Variants in BCKDHB observed in about 807,000 individuals in gnomAD.
BCKDHB encodes 2-oxoisovalerate dehydrogenase subunit beta, mitochondrial.
BCKDHB carries 41 observed loss-of-function variants against 48.5 expected under a neutral mutation model. That is an observed-to-expected ratio of 0.85 (90% confidence interval 0.66 to 1.10). BCKDHB has a LOEUF of 1.10. BCKDHB is among the 50% of genes least tolerant of loss of function. BCKDHB has a pLI of 0.00. For missense variants in BCKDHB, 496 were observed against 494.2 expected (o/e 1.00, Z -0.03); for synonymous variants, 201 against 174.8 (o/e 1.15, Z -1.18).
At chr6:80,426,566 T>C in the BCKDHB span, among the ~76,000 whole-genome samples, 2,521 of 152,254 alleles carry the variant, frequency 0.017, 64 homozygotes, top group African/African-American at 0.058. Context: ...TTCCATGTGA[T>C]GTCTTCTTTG....
chr6:80,141,672 G>A (rs970138721), intron 3 of BCKDHB, among the ~76,000 whole-genome samples: 4 of 152,042 alleles, frequency 2.6e-5, no homozygotes, highest in Non-Finnish European at 5.9e-5. Flanking sequence ...AAGGAAAAAT[G>A]GGATTATAGA....
At chr6:80,379,223 T>TA in the BCKDHB span, among the ~76,000 whole-genome samples, 29 of 151,020 alleles carry the variant, frequency 1.9e-4, no homozygotes, top group East Asian at 9.8e-4. Context: ...CAACAGAACA[T>TA]AAAAAAAAAT....
chr6:80,449,366 G>A, the BCKDHB span, among the ~76,000 whole-genome samples: 5 of 152,040 alleles, frequency 3.3e-5, no homozygotes, highest in African/African-American at 7.2e-5. Context: ...TGTTCCAAAC[G>A]TGATAATAGA....
the BCKDHB span, among the ~76,000 whole-genome samples, chr6:80,421,662 C>T: frequency 6.6e-6 from 1 of 152,158 alleles, no homozygotes; most frequent in Admixed American, 6.5e-5. Flanking sequence ...TTACTCTTAC[C>T]ATGCTTTAGC....
intron 3 of BCKDHB, 61 bp downstream of exon 3, chr6:80,129,290 T>C: frequency 7.1e-7 from 1 of 1,412,364 alleles, no homozygotes; most frequent in Non-Finnish European, 1.0e-6. Flanking sequence ...ATCTTAAAAA[T>C]ACAAAATATG....
At chr6:80,372,696 A>G in the BCKDHB span, among the ~76,000 whole-genome samples, 10 of 152,050 alleles carry the variant, frequency 6.6e-5, no homozygotes, top group African/African-American at 2.2e-4. Flanking sequence ...TTCTACCTCT[A>G]TTGAGATGAT....
chr6:80,327,561 G>A (rs1769095086), intron 9 of BCKDHB, among the ~76,000 whole-genome samples: 1 of 152,142 alleles, frequency 6.6e-6, no homozygotes, highest in Non-Finnish European at 1.5e-5. Context: ...CAGGAAACTT[G>A]CAGTCTTTTG....
chr6:80,340,519 T>C (rs9350850), intron 9 of BCKDHB, among the ~76,000 whole-genome samples: 11,371 of 152,244 alleles, frequency 0.075, 454 homozygotes, highest in East Asian at 0.11. Context: ...TTCTGCATAA[T>C]ACATGTAAGT....
chr6:80,188,191 C>T (rs1773733788), intron 6 of BCKDHB, among the ~76,000 whole-genome samples: 1 of 152,182 alleles, frequency 6.6e-6, no homozygotes, highest in South Asian at 2.1e-4. Context: ...TATCTGGAGG[C>T]CATTATCCAT....
chr6:80,106,939 G>A, intron 1 of BCKDHB, 50 bp downstream of exon 1: 1 of 1,563,466 alleles, frequency 6.4e-7, no homozygotes, highest in Non-Finnish European at 8.7e-7. Context: ...GGACTCCCAG[G>A]CTCGCAGGCG....
At chr6:80,409,833 G>C in the BCKDHB span, among the ~76,000 whole-genome samples, 1 of 150,988 alleles carries the variant, frequency 6.6e-6, no homozygotes, top group African/African-American at 2.4e-5. Flanking sequence ...ACATGAAATG[G>C]GTCTCCTGAA....
chr6:80,446,276 G>T, the BCKDHB span, among the ~76,000 whole-genome samples: 1 of 152,230 alleles, frequency 6.6e-6, no homozygotes, highest in East Asian at 1.9e-4. Flanking sequence ...TGACTTAACT[G>T]CTCATATTTA....
the BCKDHB span, among the ~76,000 whole-genome samples, chr6:80,408,314 T>C: frequency 4.6e-5 from 7 of 152,210 alleles, no homozygotes; most frequent in African/African-American, 1.7e-4. Flanking sequence ...TCTAAAATTC[T>C]CTTTTTTTGT....
chr6:80,387,776 C>G, the BCKDHB span, among the ~76,000 whole-genome samples: 1 of 152,228 alleles, frequency 6.6e-6, no homozygotes, highest in Non-Finnish European at 1.5e-5. Context: ...GACTTTGTGT[C>G]ATAATCTTAT....
intron 9 of BCKDHB, among the ~76,000 whole-genome samples, chr6:80,341,335 T>G (rs1246680174): frequency 6.6e-6 from 1 of 152,206 alleles, no homozygotes; most frequent in Non-Finnish European, 1.5e-5. Context: ...TTTCCTTTAT[T>G]TCAGCATCAT....
chr6:80,303,313 G>T (rs749276558), intron 9 of BCKDHB, among the ~76,000 whole-genome samples: 2 of 152,060 alleles, frequency 1.3e-5, no homozygotes, highest in Non-Finnish European at 2.9e-5. Flanking sequence ...GATGGAGAAA[G>T]AAAGTTTTTT....
At chr6:80,199,596 T>C (rs148157725) in intron 6 of BCKDHB, among the ~76,000 whole-genome samples, 44 of 151,274 alleles carry the variant, frequency 2.9e-4, no homozygotes, top group African/African-American at 9.7e-4. Flanking sequence ...GGACAACATG[T>C]TGAAACCCTG....
At chr6:80,207,893 T>C (rs1216437036) in intron 8 of BCKDHB, among the ~76,000 whole-genome samples, 2 of 151,744 alleles carry the variant, frequency 1.3e-5, no homozygotes, top group Non-Finnish European at 3.0e-5. Flanking sequence ...TCAGAAGAGG[T>C]ATGAACATAT....
intron 8 of BCKDHB, among the ~76,000 whole-genome samples, chr6:80,220,467 A>G (rs1312170861): frequency 8.2e-6 from 1 of 121,320 alleles, no homozygotes; most frequent in African/African-American, 3.1e-5. Flanking sequence ...ATTATTCTGG[A>G]TACCTGACTG....
Sources: gnomAD v4.1 joint callset for allele counts (sites outside exome capture counted in the v4.1 genomes callset) on GRCh38, gnomAD v4.1.1 for gene constraint, MANE v1.5 for transcripts, NCBI Gene and HGNC (gene_info 2026-07-23, HGNC 2026-07-21) for gene names.